RCC2: variants seen among roughly 807,000 people sequenced by gnomAD.
RCC2 encodes the protein regulator of chromosome condensation 2.
Under a neutral mutation model 64.1 loss-of-function variants are expected in RCC2, and 19 were observed. The ratio of observed to expected loss-of-function variants is 0.30; its 90% CI spans 0.21 to 0.44. The LOEUF is 0.44. Ranked by LOEUF, RCC2 falls within the 20% of genes least tolerant of loss-of-function variation. The pLI is 1.00. For missense variants in RCC2, 508 were observed against 710.4 expected, an observed-to-expected ratio of 0.72 and a Z score of 3.24; for synonymous variants, 325 against 279.6, an observed-to-expected ratio of 1.16 and a Z score of -1.62.
At chr1:17,437,819 G>A (rs1278160702) in intron 2 of RCC2, among the ~76,000 whole-genome samples, 13 of 145,590 alleles carry the variant, frequency 8.9e-5, no homozygotes, top group Non-Finnish European at 1.2e-4. Context: ...GGCGGCCACG[G>A]ACGTGTGGGG....
At chr1:17,429,575 A>G (rs1393215227) in intron 2 of RCC2, among the ~76,000 whole-genome samples, 1 of 152,186 alleles carries the variant, frequency 6.6e-6, no homozygotes, top group Non-Finnish European at 1.5e-5. Flanking sequence ...AGCTCATCCT[A>G]GGGCCAAGTC....
chr1:17,427,931 T>A (rs1291776510), intron 3 of RCC2, among the ~76,000 whole-genome samples: 1 of 152,050 alleles, frequency 6.6e-6, no homozygotes, highest in African/African-American at 2.4e-5. Flanking sequence ...ATCCCTGGGG[T>A]CTGGTCCCAA....
chr1:17,413,430 G>T, intron 9 of RCC2, 107 bp downstream of exon 9: 2 of 1,209,470 alleles, frequency 1.7e-6, no homozygotes, highest in South Asian at 2.6e-5. Context: ...AAAAAATAAA[G>T]AACACTGGGA....
At chr1:17,427,635 G>A (rs995262382) in intron 3 of RCC2, among the ~76,000 whole-genome samples, 1 of 152,124 alleles carries the variant, frequency 6.6e-6, no homozygotes, top group African/African-American at 2.4e-5. Context: ...AGGAGGCCAC[G>A]GGACGCCAGG....
At chr1:17,433,433 C>T (rs1314851128) in intron 2 of RCC2, among the ~76,000 whole-genome samples, 2 of 152,184 alleles carry the variant, frequency 1.3e-5, no homozygotes, top group South Asian at 4.1e-4. Context: ...CGGGGCAGGG[C>T]GGGGGTGCCA....
In RCC2 at chr1:17,431,516, AAAAAAG is replaced by A. The variant is rs1200382803; in HGVS notation, c.286-2323_286-2318del. Among the ~76,000 whole-genome samples, 7 of 145,362 alleles carry A rather than the reference AAAAAAG, an allele frequency of 4.8e-5. No individual in the cohort carries two copies. In the South Asian group the frequency reaches 6.6e-4, roughly 14 times the overall value. ...CCCTGTCTCAAAAAAAAAAAAAAAAAAAAAAGAAAGAAAGAAAAAGAAAAAAGGGCA... is the reference window on the plus strand; with the variant it reads ...CCCTGTCTCAAAAAAAAAAAAAAAAAAAAGAAAGAAAAAGAAAAAAGGGCA... On this transcript the variant is annotated intron_variant, in intron 2 of 12. Transcript: ENST00000375436.
chr1:17,422,809 T>C lies in RCC2; in HGVS notation c.551A>G (p.His184Arg), dbSNP rs1461019820. Residue 184 changes from histidine (H) to arginine (R), a missense_variant, in exon 5 of 13, where the codon CAT (histidine) becomes CGT (arginine). Around this residue, in one of 4 missense-constraint regions of RCC2, gnomAD observed 132 missense variants for 207.3 expected, o/e 0.64. Transcript: ENST00000375436. The part of the protein sequence containing the change: ...WGRNEKGQLG[H>R]GDTKRVEAPR... ...GGCTTCTACTCTCTTGGTGTCACCATGTCCCAGCTGCCCCTTCTCATTTCG... is the reference window on the plus strand; with the variant it reads ...GGCTTCTACTCTCTTGGTGTCACCACGTCCCAGCTGCCCCTTCTCATTTCG... The C allele has an allele frequency of 2.5e-6, 4 of 1,614,020 alleles. No individual in the cohort carries two copies. The East Asian group carries it at 6.7e-5, about 27-fold the overall frequency.
intron 7 of RCC2, among the ~76,000 whole-genome samples, chr1:17,418,257 C>T (rs1399633987): frequency 6.6e-6 from 1 of 150,508 alleles, no homozygotes; most frequent in Non-Finnish European, 1.5e-5. Context: ...CTCTGTCGCC[C>T]AGGCTGGAGT....
intron 3 of RCC2, among the ~76,000 whole-genome samples, chr1:17,426,969 C>A (rs892330173): frequency 7.9e-5 from 12 of 152,062 alleles, no homozygotes; most frequent in African/African-American, 2.9e-4. Context: ...CCATATTGGC[C>A]AGGCTGGTCT....
At chr1:17,425,354 A>G (rs2075602402) in intron 4 of RCC2, among the ~76,000 whole-genome samples, 187 bp downstream of exon 4, 1 of 152,228 alleles carries the variant, frequency 6.6e-6, no homozygotes, top group Non-Finnish European at 1.5e-5. Flanking sequence ...GTCAGGGGGG[A>G]AGGGGATCTG....
At chr1:17,434,321 T>C (rs966224714) in intron 2 of RCC2, among the ~76,000 whole-genome samples, 1 of 152,212 alleles carries the variant, frequency 6.6e-6, no homozygotes, top group Non-Finnish European at 1.5e-5. Context: ...GTTAAAGTGA[T>C]GATCAATGGC....
intron 2 of RCC2, among the ~76,000 whole-genome samples, chr1:17,431,355 AAAAAATAT>A (rs1225127593): frequency 1.3e-4 from 6 of 44,630 alleles, no homozygotes; most frequent in African/African-American, 6.0e-4. Flanking sequence ...AAAAAAAAAA[AAAAAATAT>A]ATATATATAT....
chr1:17,423,354 C>T (rs2075576486), intron 4 of RCC2, among the ~76,000 whole-genome samples: 1 of 152,208 alleles, frequency 6.6e-6, no homozygotes, highest in Non-Finnish European at 1.5e-5. Flanking sequence ...AAATGGTGCT[C>T]ACATAACAGT....
Position 17,408,496 on chromosome 1 carries a change from G to A in RCC2, c.*594C>T, listed in dbSNP as rs2075388482. ...CGATTCTATAATGTCGCAGCCAGAAGGCTGTGGGCGTACAGGCAGCCAAGG... is the reference window on the plus strand; with the variant it reads ...CGATTCTATAATGTCGCAGCCAGAAAGCTGTGGGCGTACAGGCAGCCAAGG... On this transcript the variant is annotated 3_prime_UTR_variant, in exon 13 of 13. Coordinates refer to ENST00000375436, the MANE Select transcript of RCC2 (RefSeq NM_018715.4). 1.3e-5 allele frequency: 2 copies of A among 152,844 alleles called. No individual in the cohort carries two copies. The highest frequency in any genetic ancestry group is 1.3e-4 in the Admixed American group (2 of 15,334). The allele number at this position is 152,844 out of a possible 1,614,324, so 9.5% of individuals were successfully genotyped here. A position where few individuals can be genotyped will look rare whatever the true frequency, so the allele number is the denominator to read the frequency against.
rs764994560 is a variant in RCC2, at chr1:17,420,740, A to G, written c.833T>C (p.Phe278Ser). Residue 278 changes from phenylalanine to serine, a missense_variant, in exon 7 of 13, where the codon TTT becomes TCT. Around this residue, in one of 4 missense-constraint regions of RCC2, gnomAD observed 179 missense variants for 322.0 expected, o/e 0.56. Coordinates refer to ENST00000375436, the MANE Select transcript of RCC2 (RefSeq NM_018715.4). ...IMDCKGNLYS[F>S]GCPEYGQLGH... is the part of the protein sequence containing the mutation. ...CAGCTGACCATATTCAGGGCACCCA[A>G]AGGAATAGAGGTTTCCTTTGCAGTC... is the stretch of plus-strand genomic sequence containing the variant. 6.2e-7 allele frequency: 1 copy of G among 1,605,436 alleles called. No individual in the cohort carries two copies. The highest frequency in any genetic ancestry group is 2.2e-5 in the East Asian group (1 of 44,834).
intron 7 of RCC2, among the ~76,000 whole-genome samples, chr1:17,420,156 G>C (rs1182032780): frequency 6.6e-6 from 1 of 152,184 alleles, no homozygotes; most frequent in Non-Finnish European, 1.5e-5. Flanking sequence ...GAGACCATCA[G>C]GTCGGAAGAC....
At chr1:17,433,023 C>T (rs577523847) in intron 2 of RCC2, among the ~76,000 whole-genome samples, 5 of 150,406 alleles carry the variant, frequency 3.3e-5, no homozygotes, top group African/African-American at 7.4e-5. Flanking sequence ...CATATATATA[C>T]ACACACACAC....
intron 2 of RCC2, among the ~76,000 whole-genome samples, chr1:17,436,787 A>C (rs2100400450): frequency 6.6e-6 from 1 of 152,356 alleles, no homozygotes; most frequent in East Asian, 1.9e-4. Flanking sequence ...GGAGACGCGG[A>C]AGCTCACCTG....
At position 17,413,130 on chromosome 1, in the gene RCC2, A is replaced by G; in HGVS notation, c.1256T>C (p.Met419Thr). The change falls in exon 10 of 13, where the codon ATG becomes ACG. Residue 419 changes from methionine (M) to threonine (T), a missense_variant. By Grantham distance (81) the Met-to-Thr change is moderately conservative. Around this residue, in one of 4 missense-constraint regions of RCC2, gnomAD observed 179 missense variants for 322.0 expected, o/e 0.56. Transcript: ENST00000375436. Reference sequence around the variant, plus strand: ...GAGGTCCTGCACTGCTTTTGGGTACATGGTAGATTCACGGGAGGTGTTGGT... The same window carrying G: ...GAGGTCCTGCACTGCTTTTGGGTACGTGGTAGATTCACGGGAGGTGTTGGT... Reference protein sequence around the residue: ...GATNTSRESTMYPKAVQDLCG... With the variant: ...GATNTSRESTTYPKAVQDLCG... The G allele has an allele frequency of 1.2e-6, 2 of 1,614,214 alleles. No individual in the cohort carries two copies. The highest frequency in any genetic ancestry group is 1.7e-6 in the Non-Finnish European group (2 of 1,180,026).
Sources: gnomAD v4.1 joint callset for allele counts (sites outside exome capture counted in the v4.1 genomes callset) on GRCh38, gnomAD v4.1.1 for gene constraint, gnomAD v4.1.1 regional missense constraint, MANE v1.5 for transcripts, NCBI Gene and HGNC (gene_info 2026-07-23, HGNC 2026-07-21) for gene names.